The following UGT2B11 variants were observed in gnomAD, a reference collection of about 807,000 sequenced individuals.
The protein encoded by UGT2B11 is UDP-glucuronosyltransferase 2B11.
In UGT2B11, 49 loss-of-function variants were observed where a neutral mutation model predicts 51.7. That is an observed-to-expected ratio of 0.95 (90% CI 0.75 to 1.20). The LOEUF (loss-of-function observed/expected upper bound fraction) is 1.20. Ranked by LOEUF, UGT2B11 falls within the 50% of genes most tolerant of loss-of-function variation. The pLI is 0.00. For missense variants in UGT2B11, 810 were observed against 622.1 expected (o/e 1.30, Z -3.21); for synonymous variants, 273 against 209.0 (o/e 1.31, Z -2.64).
At chr4:69,219,500 G>C (rs755256943), upstream of UGT2B11, among the ~76,000 whole-genome samples, 1 of 151,918 alleles carries the variant, frequency 6.6e-6, no homozygotes, top group Non-Finnish European at 1.5e-5. Context: ...TTATGATACT[G>C]TACTAGCGTT....
chr4:69,202,975 T>C lies in UGT2B11; in HGVS notation c.1310+1455A>G, dbSNP rs539596292. Among the ~76,000 whole-genome samples, 4 of 151,778 alleles carry C rather than the reference T, an allele frequency of 2.6e-5. No individual in the cohort carries two copies. The East Asian group carries it at 7.8e-4, about 30-fold the overall frequency. On this transcript the variant is annotated intron_variant, in intron 5 of 5. Transcript: ENST00000446444. Reference sequence around the variant, plus strand: ...GATGGTAGCTGGACTCCGCAGGTAATTTTTCACATTGTTATCTTTGGGGAG... The same window carrying C: ...GATGGTAGCTGGACTCCGCAGGTAACTTTTCACATTGTTATCTTTGGGGAG...
intron 3 of UGT2B11, among the ~76,000 whole-genome samples, chr4:69,205,967 A>G (rs72639753): frequency 0.019 from 2,912 of 151,700 alleles, 96 homozygotes; most frequent in Non-Finnish European, 0.021. Context: ...TAAAAATTCA[A>G]AAAATATCAT....
chr4:69,214,154 G>A lies in UGT2B11; in HGVS notation c.569C>T (p.Pro190Leu), dbSNP rs1407316390. Reference sequence around the variant, plus strand: ...CATAACAATAGGTATGTAGGAAGGAGGGAAAATCAGTCCTCCACTGTGCCT... The same window carrying A: ...CATAACAATAGGTATGTAGGAAGGAAGGAAAATCAGTCCTCCACTGTGCCT... Reference protein sequence around the residue: ...IERHSGGLIFPPSYIPIVMSK... With the variant: ...IERHSGGLIFLPSYIPIVMSK... The change falls in exon 1 of 6, where the codon CCT (proline) becomes CTT (leucine). Residue 190 changes from proline (P) to leucine (L), a missense_variant. Pro to Leu is a moderately conservative substitution (Grantham distance 98). Coordinates refer to ENST00000446444, the MANE Select transcript of UGT2B11 (RefSeq NM_001073.3). 3 of 1,612,558 alleles carry A rather than the reference G, an allele frequency of 1.9e-6. No homozygotes were observed. The highest frequency in any genetic ancestry group is 4.5e-5 in the East Asian group (2 of 44,766).
chr4:69,220,282 T>TA, the UGT2B11 span, among the ~76,000 whole-genome samples: 1 of 152,220 alleles, frequency 6.6e-6, no homozygotes, highest in African/African-American at 2.4e-5. Context: ...TTTTGCAGGG[T>TA]ACAGGTCTCC....
rs778756813 is a variant in UGT2B11, at chr4:69,214,033, C to G, written c.690G>C (p.Lys230Asn). 6.3e-7 allele frequency: 1 copy of G among 1,597,884 alleles called. No individual in the cohort carries two copies. The highest frequency in any genetic ancestry group is 1.7e-5 in the Admixed American group (1 of 57,576). The change falls in exon 1 of 6, where the codon AAG becomes AAC. Residue 230 changes from lysine to asparagine, a missense_variant. Physicochemically the swap from Lys to Asn is moderately conservative, Grantham distance 94. Coordinates refer to ENST00000446444, the MANE Select transcript of UGT2B11 (RefSeq NM_001073.3). Reference protein sequence around the residue: ...FDFWFQMSDMKKWDQFYSEVL... With the variant: ...FDFWFQMSDMNKWDQFYSEVL... ...CTTCACTGTAAAACTGATCCCACTT[C>G]TTCATATCAGACATTTGGAACCAAA...
chr4:69,204,202 T>C, intron 5 of UGT2B11: 1 of 454,482 alleles, frequency 2.2e-6, no homozygotes, highest in African/African-American at 2.0e-5. Context: ...ATTTTAAAAT[T>C]ATTTTTGTTT....
the UGT2B11 span, among the ~76,000 whole-genome samples, chr4:69,224,793 G>A: frequency 6.6e-6 from 1 of 151,704 alleles, no homozygotes; most frequent in Non-Finnish European, 1.5e-5. Context: ...GCAGAGTGAT[G>A]GTACAAAGCT....
At chr4:69,209,913 T>C (rs1425866680) in intron 2 of UGT2B11, among the ~76,000 whole-genome samples, 1 of 151,614 alleles carries the variant, frequency 6.6e-6, no homozygotes, top group Non-Finnish European at 1.5e-5. Context: ...ATGTAAGAAA[T>C]TGTATAAAAG....
chr4:69,218,848 G>A (rs547490771), upstream of UGT2B11, among the ~76,000 whole-genome samples: 1 of 152,090 alleles, frequency 6.6e-6, no homozygotes, highest in African/African-American at 2.4e-5. Flanking sequence ...AAAGTCCCTG[G>A]ATTTTGTCTG....
intron 2 of UGT2B11, among the ~76,000 whole-genome samples, chr4:69,209,945 T>C (rs556398528): frequency 6.6e-6 from 1 of 151,750 alleles, no homozygotes; most frequent in East Asian, 1.9e-4. Flanking sequence ...TTTTAAAAAA[T>C]AATTTTTCTA....
At position 69,213,902 on chromosome 4, in the gene UGT2B11, C is replaced by T; in HGVS notation, c.721+100G>A. 3.5e-6 allele frequency: 5 copies of T among 1,421,556 alleles called. No homozygotes were observed. In the South Asian group the frequency reaches 8.5e-5, roughly 24 times the overall value. The allele number at this position is 1,421,556 out of a possible 1,614,324, so 88.1% of individuals were successfully genotyped here. ...TATTTTCATTTCATAAATTCACTTA[C>T]CAAAAACTCCACTTCCCTGACTTTA... On this transcript the variant is annotated intron_variant, in intron 1 of 5. Transcript: ENST00000446444.
intron 5 of UGT2B11, chr4:69,204,224 T>A: frequency 1.6e-6 from 1 of 610,288 alleles, no homozygotes; most frequent in African/African-American, 1.9e-5. Context: ...GAAAATTGCT[T>A]CACTAACTGG....
chr4:69,217,177 A>T (rs980840014), upstream of UGT2B11, among the ~76,000 whole-genome samples: 1 of 152,104 alleles, frequency 6.6e-6, no homozygotes, highest in African/African-American at 2.4e-5. Context: ...GAAAGTATTT[A>T]TCTTCTAAAT....
At chr4:69,208,227 C>G (rs1721930070) in intron 3 of UGT2B11, 124 bp downstream of exon 3, 2 of 1,530,588 alleles carry the variant, frequency 1.3e-6, no homozygotes, top group South Asian at 2.5e-5. Context: ...GCAACATAAG[C>G]ATATTTAAGG....
chr4:69,208,149 T>C (rs866699590), intron 3 of UGT2B11, among the ~76,000 whole-genome samples: 21 of 151,416 alleles, frequency 1.4e-4, no homozygotes, highest in East Asian at 3.9e-4. Context: ...ATACCAAGGG[T>C]AGTAACTCCC....
At chr4:69,220,503 A>G in the UGT2B11 span, among the ~76,000 whole-genome samples, 19 of 150,996 alleles carry the variant, frequency 1.3e-4, no homozygotes, top group Non-Finnish European at 1.6e-4. Context: ...CACTGTGCTA[A>G]CAGAGTTTCT....
intron 1 of UGT2B11, 74 bp from the exon 2 acceptor site, chr4:69,212,795 G>A: frequency 6.6e-7 from 1 of 1,503,788 alleles, no homozygotes; most frequent in Non-Finnish European, 8.8e-7. Context: ...AAAAAGGTTA[G>A]AACAATGTAA....
chr4:69,220,079 C>G, the UGT2B11 span, among the ~76,000 whole-genome samples: 1 of 152,138 alleles, frequency 6.6e-6, no homozygotes, highest in South Asian at 2.1e-4. Flanking sequence ...GATAAATACA[C>G]TCCTTCTAAA....
chr4:69,208,647 T>A (rs1255867623), intron 2 of UGT2B11, among the ~76,000 whole-genome samples, 165 bp from the exon 3 acceptor site: 2 of 151,646 alleles, frequency 1.3e-5, no homozygotes, highest in African/African-American at 2.4e-5. Flanking sequence ...AAGAAGATGT[T>A]TGAGATAGTT....
Sources: allele counts gnomAD v4.1 joint callset (sites outside exome capture counted in the v4.1 genomes callset), GRCh38; gene constraint gnomAD v4.1.1; transcripts MANE v1.5; gene names NCBI Gene and HGNC (gene_info 2026-07-23, HGNC 2026-07-21).